The following CUX1 variants were observed in gnomAD, a reference collection of about 807,000 sequenced individuals.
The protein encoded by CUX1 is cut like homeobox 1.
A neutral mutation model predicts 158.8 loss-of-function variants in CUX1; 31 were observed. The ratio of observed to expected loss-of-function variants is 0.20; its 90% CI spans 0.15 to 0.26. The LOEUF (loss-of-function observed/expected upper bound fraction) is 0.26. Ranked by LOEUF, CUX1 falls within the 10% of genes least tolerant of loss-of-function variation. The probability of loss-of-function intolerance (pLI) is 1.00; values close to 1 mark genes in which losing one functional copy is unlikely to be tolerated. For synonymous variants in CUX1, 879 were observed against 862.1 expected (o/e 1.02, Z -0.34); for missense variants, 1,589 against 2,014.6 (o/e 0.79, Z 4.04).
chr7:101,878,718 G>A (rs1664242276), intron 1 of CUX1, among the ~76,000 whole-genome samples: 1 of 152,056 alleles, frequency 6.6e-6, no homozygotes, highest in Non-Finnish European at 1.5e-5. Flanking sequence ...TGTCGCCGAG[G>A]CTGAAGTGCA....
intron 2 of CUX1, among the ~76,000 whole-genome samples, chr7:101,982,031 G>T (rs1441765981): frequency 6.6e-6 from 1 of 152,178 alleles, no homozygotes; most frequent in African/African-American, 2.4e-5. Context: ...AAGCAGAAAA[G>T]GGAAGAAAGA....
intron 1 of CUX1, among the ~76,000 whole-genome samples, chr7:101,851,879 A>C (rs1796299025): frequency 6.6e-6 from 1 of 150,576 alleles, no homozygotes. Context: ...CCCAGGCCAG[A>C]GTGTGGTGGC....
rs571826359 is a variant in CUX1, at chr7:102,010,060, C to T, written c.142-18038C>T. ...CTTAAAAAAGAAAGAGTGAGGTGGG[C>T]GGCCTCCCTTGCTGCCGGTGCTAGA... On this transcript the variant is annotated intron_variant, in intron 2 of 23. Coordinates refer to ENST00000292535, the MANE Select transcript of CUX1 (RefSeq NM_181552.4). 8.5e-5 allele frequency among the ~76,000 whole-genome samples: 13 copies of T among 152,146 alleles called. No homozygotes were observed. In the South Asian group the frequency reaches 2.3e-3, roughly 27 times the overall value.
intron 2 of CUX1, among the ~76,000 whole-genome samples, chr7:102,011,471 C>A (rs1041914905): frequency 2.6e-4 from 39 of 151,936 alleles, no homozygotes; most frequent in African/African-American, 9.2e-4. Context: ...TTTATTTTTC[C>A]TCCCAGGTTC....
At chr7:102,223,861 C>T (rs1040980291) in intron 20 of CUX1, among the ~76,000 whole-genome samples, 3 of 152,108 alleles carry the variant, frequency 2.0e-5, no homozygotes, top group Non-Finnish European at 2.9e-5. Flanking sequence ...CCCAGCTACT[C>T]GGGAGGCAGA....
chr7:101,968,801 G>C (rs192668253), intron 2 of CUX1, among the ~76,000 whole-genome samples: 86 of 152,284 alleles, frequency 5.6e-4, no homozygotes, highest in Admixed American at 2.2e-3. Context: ...TTGGTAGGGA[G>C]AGGACTGTGC....
intron 1 of CUX1, among the ~76,000 whole-genome samples, chr7:101,864,510 G>A (rs1797758742): frequency 1.3e-5 from 2 of 151,652 alleles, no homozygotes; most frequent in African/African-American, 4.8e-5. Context: ...GTTTAAGGTG[G>A]TATCTCATTG....
In CUX1 at chr7:101,982,872, TC is replaced by T. The variant is rs1403127412; in HGVS notation, c.142-45220del. 1.1e-4 allele frequency among the ~76,000 whole-genome samples: 6 copies of T among 56,202 alleles called. No homozygotes were observed. In the South Asian group the frequency reaches 4.0e-3, roughly 37 times the overall value. The allele number at this position is 56,202 out of a possible 152,430, so 36.9% of individuals were successfully genotyped here. ...ATCTCCTAATGCTATCCCTCCCCCC[TC>T]CCCCCACCCCATGACAAGCCCCGGT... On this transcript the variant is annotated intron_variant, in intron 2 of 23. Coordinates refer to ENST00000292535, the MANE Select transcript of CUX1 (RefSeq NM_181552.4).
intron 8 of CUX1, among the ~76,000 whole-genome samples, chr7:102,139,391 G>A (rs1320392223): frequency 6.6e-6 from 1 of 151,998 alleles, no homozygotes; most frequent in East Asian, 1.9e-4. Context: ...ACATTGTATT[G>A]ATACATTGAT....
At chr7:101,917,712 G>T (rs1804386607) in intron 2 of CUX1, among the ~76,000 whole-genome samples, 1 of 152,120 alleles carries the variant, frequency 6.6e-6, no homozygotes, top group Non-Finnish European at 1.5e-5. Flanking sequence ...AGTTTCCCCA[G>T]CCCAAGCCCC....
At chr7:101,992,940 C>T (rs533243618) in intron 2 of CUX1, among the ~76,000 whole-genome samples, 4 of 152,258 alleles carry the variant, frequency 2.6e-5, no homozygotes, top group East Asian at 1.9e-4. Context: ...CTGGCCACCC[C>T]GAGGGGGCCC....
chr7:101,893,581 T>G (rs916149008), intron 1 of CUX1, among the ~76,000 whole-genome samples: 2 of 152,118 alleles, frequency 1.3e-5, no homozygotes, highest in South Asian at 4.1e-4. Flanking sequence ...TGGGCCAAGT[T>G]TGCCAAAGAC....
intron 1 of CUX1, among the ~76,000 whole-genome samples, chr7:101,858,740 A>C (rs1234069741): frequency 1.5e-5 from 2 of 137,618 alleles, no homozygotes; most frequent in African/African-American, 5.6e-5. Context: ...ATCTTAGCTC[A>C]CTGCAACCTC....
chr7:102,161,178 C>T (rs1554507035), intron 9 of CUX1: 2 of 152,078 alleles, frequency 1.3e-5, no homozygotes, highest in Non-Finnish European at 2.9e-5. Flanking sequence ...ACAAGTCCCC[C>T]ATCTCCATAA....
chr7:101,920,903 G>T (rs75355197), intron 2 of CUX1, among the ~76,000 whole-genome samples: 15 of 152,140 alleles, frequency 9.9e-5, no homozygotes, highest in Non-Finnish European at 1.6e-4. Flanking sequence ...ATAGCTTACT[G>T]TGGCCTCGAT....
chr7:102,014,492 A>G (rs903720395), intron 2 of CUX1, among the ~76,000 whole-genome samples: 2 of 152,140 alleles, frequency 1.3e-5, no homozygotes, highest in Non-Finnish European at 2.9e-5. Context: ...GGATGAAACT[A>G]AGTTGCTGCT....
chr7:101,966,515 G>A (rs113652470), intron 2 of CUX1, among the ~76,000 whole-genome samples: 8 of 152,150 alleles, frequency 5.3e-5, no homozygotes, highest in African/African-American at 1.2e-4. Flanking sequence ...TGAGATTTTC[G>A]TAGTAAGGTG....
chr7:101,944,201 GTGGGC>G (rs1361388375), intron 2 of CUX1, among the ~76,000 whole-genome samples: 3 of 152,148 alleles, frequency 2.0e-5, no homozygotes, highest in Non-Finnish European at 4.4e-5. Context: ...AAGGGGCGCA[GTGGGC>G]TGGGTTGCAG....
intron 1 of CUX1, among the ~76,000 whole-genome samples, chr7:101,898,428 C>T (rs760802125): frequency 5.9e-5 from 9 of 152,158 alleles, no homozygotes; most frequent in African/African-American, 9.7e-5. Context: ...GCCGCCGGGA[C>T]GGGGAAGTCT....
Sources: allele counts gnomAD v4.1 joint callset (sites outside exome capture counted in the v4.1 genomes callset), GRCh38; gene constraint gnomAD v4.1.1; transcripts MANE v1.5; gene names NCBI Gene and HGNC (gene_info 2026-07-23, HGNC 2026-07-21).